PKN2: variants seen among roughly 807,000 people sequenced by gnomAD.
PKN2 encodes protein kinase N2, also known as serine/threonine-protein kinase N2.
A neutral mutation model predicts 119.1 loss-of-function variants in PKN2; 38 were observed. The observed-to-expected ratio is 0.32, with a 90% CI of 0.25 to 0.42. The LOEUF (loss-of-function observed/expected upper bound fraction) is 0.42, where lower values mean the gene tolerates loss of function less well. Among genes scored for constraint, PKN2 ranks in the 10% least tolerant of loss-of-function variants. PKN2 has a pLI of 1.00. For synonymous variants in PKN2, 390 were observed against 384.9 expected (o/e 1.01, Z -0.15); for missense variants, 850 against 1,165.1 (o/e 0.73, Z 3.94).
At chr1:88,797,050 AG>A (rs934428912) in intron 8 of PKN2, among the ~76,000 whole-genome samples, 3 of 151,644 alleles carry the variant, frequency 2.0e-5, no homozygotes, top group African/African-American at 7.3e-5. Flanking sequence ...TGAAAATGTC[AG>A]GGCCAGGCAC....
At chr1:88,774,104 C>T (rs2100807598) in intron 6 of PKN2, among the ~76,000 whole-genome samples, 1 of 152,192 alleles carries the variant, frequency 6.6e-6, no homozygotes, top group Non-Finnish European at 1.5e-5. Flanking sequence ...TCATGGCTCA[C>T]TGCAGCGAAA....
intron 2 of PKN2, among the ~76,000 whole-genome samples, chr1:88,752,060 C>CCCA (rs1669023285): frequency 6.6e-6 from 1 of 152,120 alleles, no homozygotes; most frequent in African/African-American, 2.4e-5. Flanking sequence ...TTTCTTAAAT[C>CCCA]TGAAATGTAT....
chr1:88,820,548 T>A (rs1426642036), intron 16 of PKN2, among the ~76,000 whole-genome samples: 3 of 147,626 alleles, frequency 2.0e-5, no homozygotes, highest in Non-Finnish European at 4.4e-5. Flanking sequence ...AAAAAATAAA[T>A]AAAATAAATA....
At chr1:88,743,170 A>G (rs1034792917) in intron 2 of PKN2, among the ~76,000 whole-genome samples, 2 of 152,216 alleles carry the variant, frequency 1.3e-5, no homozygotes, top group African/African-American at 4.8e-5. Flanking sequence ...AGCCTGGGCA[A>G]CAGAGAGCGA....
At chr1:88,820,216 AT>A (rs1557634921) in intron 16 of PKN2, among the ~76,000 whole-genome samples, 33 of 115,484 alleles carry the variant, frequency 2.9e-4, no homozygotes, top group East Asian at 2.5e-3. Flanking sequence ...ATATATATAT[AT>A]ATATATATAT....
intron 6 of PKN2, among the ~76,000 whole-genome samples, chr1:88,782,455 A>G (rs1286264099): frequency 6.6e-6 from 1 of 151,896 alleles, no homozygotes; most frequent in African/African-American, 2.4e-5. Flanking sequence ...AGTTACACAT[A>G]TATGGCCACT....
At chr1:88,713,247 G>A (rs1667312418) in intron 1 of PKN2, among the ~76,000 whole-genome samples, 1 of 152,178 alleles carries the variant, frequency 6.6e-6, no homozygotes. Context: ...ATGTGCATAT[G>A]TCTTTATAGT....
rs74097828 is a variant in PKN2, at chr1:88,785,713, A to G, written c.1172-391A>G. ...TGAATTTGCCTGTGCTTTCATGTGTATAGAGAGAGGCTTTAAGAAAAATAA... is the reference window on the plus strand; with the variant it reads ...TGAATTTGCCTGTGCTTTCATGTGTGTAGAGAGAGGCTTTAAGAAAAATAA... On this transcript the variant is annotated intron_variant, in intron 7 of 21. Transcript: ENST00000370521. Among the ~76,000 whole-genome samples the G allele has an allele frequency of 9.5e-3, 1,453 of 152,324 alleles. 20 individuals carry two copies. Among genetic ancestry groups the G allele is most frequent in the African/African-American group, 0.031 (1,308 of 41,554 alleles).
intron 8 of PKN2, among the ~76,000 whole-genome samples, chr1:88,803,807 C>T (rs1015089415): frequency 6.6e-6 from 1 of 152,074 alleles, no homozygotes; most frequent in Non-Finnish European, 1.5e-5. Flanking sequence ...GTCTGAATTT[C>T]CCCTTTCTTC....
intron 10 of PKN2, 93 bp downstream of exon 10, chr1:88,805,014 TTTG>T (rs1165358838): frequency 6.5e-6 from 4 of 613,978 alleles, no homozygotes; most frequent in Non-Finnish European, 1.1e-5. Flanking sequence ...TGTGGGTTTT[TTTG>T]TTGTTGTTTA....
chr1:88,765,089 G>A (rs1669607981), intron 3 of PKN2, among the ~76,000 whole-genome samples: 1 of 146,876 alleles, frequency 6.8e-6, no homozygotes, highest in Non-Finnish European at 1.5e-5. Context: ...ACTATGCCTG[G>A]CTACTTTTTT....
intron 18 of PKN2, among the ~76,000 whole-genome samples, chr1:88,825,557 C>T (rs1672467603): frequency 1.3e-5 from 2 of 152,114 alleles, no homozygotes; most frequent in African/African-American, 2.4e-5. Context: ...CTCTACTTCC[C>T]GTATGTAGTT....
chr1:88,780,684 C>T (rs1273067210), intron 6 of PKN2, among the ~76,000 whole-genome samples: 1 of 152,146 alleles, frequency 6.6e-6, no homozygotes, highest in Non-Finnish European at 1.5e-5. Flanking sequence ...TAAATAGTAT[C>T]TGACAATTAG....
chr1:88,737,237 G>T (rs1309746139), intron 1 of PKN2, among the ~76,000 whole-genome samples: 8 of 152,174 alleles, frequency 5.3e-5, no homozygotes, highest in Non-Finnish European at 7.3e-5. Context: ...TGTGGCTCAA[G>T]TCCACTGCAG....
intron 2 of PKN2, among the ~76,000 whole-genome samples, chr1:88,747,231 G>GTA (rs1055511968): frequency 1.6e-4 from 24 of 152,150 alleles, no homozygotes; most frequent in Middle Eastern, 3.4e-3. Context: ...GCAATGTATT[G>GTA]TATATTTCAA....
intron 1 of PKN2, among the ~76,000 whole-genome samples, chr1:88,693,253 G>A (rs1317574969): frequency 1.3e-5 from 2 of 152,124 alleles, no homozygotes; most frequent in Admixed American, 6.5e-5. Flanking sequence ...TTCATAGCTT[G>A]CCATTAAAAT....
intron 6 of PKN2, among the ~76,000 whole-genome samples, chr1:88,778,208 C>T (rs1351554225): frequency 6.6e-6 from 1 of 152,254 alleles, no homozygotes; most frequent in Non-Finnish European, 1.5e-5. Context: ...TCAGGACCTC[C>T]TGAGGCTGTG....
intron 1 of PKN2, among the ~76,000 whole-genome samples, chr1:88,702,112 C>A (rs542621675): frequency 6.6e-6 from 1 of 152,134 alleles, no homozygotes; most frequent in Non-Finnish European, 1.5e-5. Context: ...GCATGTGCCA[C>A]CAAGCCCAGC....
At chr1:88,809,068 C>A (rs982525232) in intron 15 of PKN2, among the ~76,000 whole-genome samples, 13 of 152,210 alleles carry the variant, frequency 8.5e-5, no homozygotes, top group Non-Finnish European at 1.8e-4. Flanking sequence ...TAAGGACAGG[C>A]CTCAAAAGGT....
Sources: allele counts gnomAD v4.1 joint callset (sites outside exome capture counted in the v4.1 genomes callset), GRCh38; gene constraint gnomAD v4.1.1; transcripts MANE v1.5; gene names NCBI Gene and HGNC (gene_info 2026-07-23, HGNC 2026-07-21).